MEF2C: variants seen among roughly 807,000 people sequenced by gnomAD.
MEF2C encodes myocyte enhancer factor 2C.
Under a neutral mutation model 50.5 loss-of-function variants are expected in MEF2C, and 6 were observed. The ratio of observed to expected loss-of-function variants is 0.12; its 90% CI spans 0.07 to 0.23. The LOEUF (loss-of-function observed/expected upper bound fraction) is 0.23, where lower values mean the gene tolerates loss of function less well. MEF2C is among the 10% of genes least tolerant of loss of function. The probability of loss-of-function intolerance (pLI) is 1.00; values close to 1 mark genes in which losing one functional copy is unlikely to be tolerated. For missense variants in MEF2C, 276 were observed against 605.0 expected (o/e 0.46, Z 5.70); for synonymous variants, 183 against 228.0 (o/e 0.80, Z 1.78).
chr5:88,893,956 G>A (rs765665639), intron 1 of MEF2C, among the ~76,000 whole-genome samples: 2 of 152,130 alleles, frequency 1.3e-5, no homozygotes, highest in African/African-American at 2.4e-5. Context: ...TATACTAAAT[G>A]TGTAGTTAAA....
intron 6 of MEF2C, chr5:88,735,174 C>A (rs1763584139): frequency 1.0e-6 from 1 of 985,238 alleles, no homozygotes; most frequent in Non-Finnish European, 1.2e-6. Flanking sequence ...TGCATTTAAA[C>A]CGGCTGGGAA....
intron 10 of MEF2C, among the ~76,000 whole-genome samples, chr5:88,724,740 A>AT (rs1019944553): frequency 6.6e-6 from 1 of 152,056 alleles, no homozygotes; most frequent in Non-Finnish European, 1.5e-5. Context: ...ATGGTAGACT[A>AT]TTTTATCTTG....
At chr5:88,744,275 C>T (rs1447101570) in intron 6 of MEF2C, 2 of 512,662 alleles carry the variant, frequency 3.9e-6, no homozygotes, top group Non-Finnish European at 5.0e-6. Flanking sequence ...TTAATGTGGT[C>T]AGGCATGGTG....
intron 4 of MEF2C, among the ~76,000 whole-genome samples, chr5:88,759,672 A>ACAG (rs1776989194): frequency 7.6e-5 from 8 of 105,060 alleles, no homozygotes; most frequent in African/African-American, 2.2e-4. Flanking sequence ...TGTGCATATA[A>ACAG]TAGTTTTATG....
chr5:88,851,157 C>T (rs1424350116), intron 1 of MEF2C, among the ~76,000 whole-genome samples: 3 of 145,044 alleles, frequency 2.1e-5, no homozygotes, highest in African/African-American at 8.0e-5. Context: ...CACTTGAACC[C>T]GGGAGGTGGA....
At chr5:88,899,026 T>G (rs1189414933) in intron 1 of MEF2C, among the ~76,000 whole-genome samples, 2 of 152,186 alleles carry the variant, frequency 1.3e-5, no homozygotes, top group Non-Finnish European at 2.9e-5. Context: ...AGTTTAAAAA[T>G]TTTCCTGTCA....
chr5:88,892,796 C>T (rs554296951), intron 1 of MEF2C, among the ~76,000 whole-genome samples: 1 of 152,182 alleles, frequency 6.6e-6, no homozygotes, highest in African/African-American at 2.4e-5. Context: ...GCCAAGATGA[C>T]ATTGATATCT....
At chr5:88,897,135 T>C (rs543821255) in intron 1 of MEF2C, among the ~76,000 whole-genome samples, 1 of 152,340 alleles carries the variant, frequency 6.6e-6, no homozygotes, top group Admixed American at 6.5e-5. Flanking sequence ...TTATAGATAA[T>C]ATGGTCATAG....
chr5:88,792,414 C>A (rs924275003), intron 3 of MEF2C, among the ~76,000 whole-genome samples: 3 of 152,270 alleles, frequency 2.0e-5, no homozygotes, highest in Middle Eastern at 3.4e-3. Flanking sequence ...AGATCAGAGT[C>A]TCTCGAAGTG....
chr5:88,877,646 C>T (rs1251974001), intron 1 of MEF2C, among the ~76,000 whole-genome samples: 1 of 151,976 alleles, frequency 6.6e-6, no homozygotes, highest in East Asian at 1.9e-4. Flanking sequence ...ATGAATGCTT[C>T]CAGCACCCTT....
intron 1 of MEF2C, among the ~76,000 whole-genome samples, chr5:88,891,953 T>G (rs138771540): frequency 6.6e-6 from 1 of 152,188 alleles, no homozygotes; most frequent in Non-Finnish European, 1.5e-5. Context: ...TAACACTTAG[T>G]TAAGGATCCC....
chr5:88,896,017 C>G (rs180758794), intron 1 of MEF2C, among the ~76,000 whole-genome samples: 1 of 152,218 alleles, frequency 6.6e-6, no homozygotes, highest in Admixed American at 6.5e-5. Flanking sequence ...GGAGCACTTT[C>G]AGTATGTCTC....
At chr5:88,849,935 T>A (rs763450836) in intron 1 of MEF2C, among the ~76,000 whole-genome samples, 2 of 152,212 alleles carry the variant, frequency 1.3e-5, no homozygotes, top group Admixed American at 6.5e-5. Context: ...AAAATTTATT[T>A]TTTTTGTTTG....
At chr5:88,822,169 A>G (rs1808702001) in intron 2 of MEF2C, among the ~76,000 whole-genome samples, 2 of 152,016 alleles carry the variant, frequency 1.3e-5, no homozygotes, top group Non-Finnish European at 1.5e-5. Context: ...AAGCAAAAGA[A>G]GATATAATGA....
intron 2 of MEF2C, among the ~76,000 whole-genome samples, chr5:88,815,025 A>G (rs1804700567): frequency 6.6e-6 from 1 of 152,100 alleles, no homozygotes; most frequent in Non-Finnish European, 1.5e-5. Flanking sequence ...TTAAAGGGCT[A>G]ATTTTCATTC....
intron 3 of MEF2C, chr5:88,772,704 T>C: frequency 2.0e-6 from 2 of 983,064 alleles, no homozygotes; most frequent in African/African-American, 1.7e-5. Context: ...TCAAATCTTT[T>C]TAAAATTGAT....
intron 1 of MEF2C, among the ~76,000 whole-genome samples, chr5:88,857,976 C>T (rs1824076752): frequency 6.6e-6 from 1 of 152,152 alleles, no homozygotes; most frequent in African/African-American, 2.4e-5. Flanking sequence ...ATTTTAAAAA[C>T]AATGAAATTT....
intron 3 of MEF2C, chr5:88,782,157 A>C (rs1788418215): frequency 1.0e-6 from 1 of 981,786 alleles, no homozygotes; most frequent in South Asian, 4.7e-5. Context: ...TACTGTAAAG[A>C]AGCTTATATA....
chr5:88,747,772 A>G (rs1343244666), intron 6 of MEF2C, among the ~76,000 whole-genome samples: 1 of 152,168 alleles, frequency 6.6e-6, no homozygotes, highest in African/African-American at 2.4e-5. Flanking sequence ...CTTATATTAT[A>G]TCTTGGTCTT....
Sources: gnomAD v4.1 joint callset for allele counts (sites outside exome capture counted in the v4.1 genomes callset) on GRCh38, gnomAD v4.1.1 for gene constraint, MANE v1.5 for transcripts, NCBI Gene and HGNC (gene_info 2026-07-23, HGNC 2026-07-21) for gene names.